The following PARPBP variants were observed in gnomAD, a reference collection of about 807,000 sequenced individuals.
PARPBP encodes the protein PCNA-interacting partner.
In PARPBP, 52 loss-of-function variants were observed where a neutral mutation model predicts 50.0. The ratio of observed to expected loss-of-function variants is 1.04; its 90% CI spans 0.83 to 1.31. PARPBP has a LOEUF of 1.31. Ranked by LOEUF, PARPBP falls within the 50% of genes most tolerant of loss-of-function variation. PARPBP has a pLI of 0.00. For synonymous variants in PARPBP, 244 were observed against 232.1 expected (o/e 1.05, Z -0.47); for missense variants, 697 against 672.0 (o/e 1.04, Z -0.41).
At chr12:102,155,603 G>GGT (rs1217979673) in intron 4 of PARPBP, among the ~76,000 whole-genome samples, 1 of 119,408 alleles carries the variant, frequency 8.4e-6, no homozygotes, top group African/African-American at 3.0e-5. Context: ...GTGGGGGGGG[G>GGT]GGGCGGGGAC....
At chr12:102,144,899 T>C (rs550944421) in intron 2 of PARPBP, among the ~76,000 whole-genome samples, 1 of 152,258 alleles carries the variant, frequency 6.6e-6, no homozygotes, top group East Asian at 1.9e-4. Flanking sequence ...ATAGATCCAA[T>C]GTTTGAGAGT....
At position 102,197,128 on chromosome 12, in the gene PARPBP, A is replaced by G; in HGVS notation, c.*837A>G. ...AAGATAAGGTTTTATAGCCAGATTC[A>G]GTGGCAGACCATGATTTAAGAAATT... On this transcript the variant is annotated 3_prime_UTR_variant, in exon 11 of 11. Coordinates refer to ENST00000327680, the MANE Select transcript of PARPBP (RefSeq NM_017915.5). 1 of 1,612,312 alleles carries G rather than the reference A, an allele frequency of 6.2e-7. No homozygotes were observed. Among genetic ancestry groups the G allele is most frequent in the Non-Finnish European group, 8.5e-7 (1 of 1,178,708 alleles).
In PARPBP at chr12:102,175,527, T is replaced by G; in HGVS notation, c.866T>G (p.Ile289Ser). The G allele has an allele frequency of 6.2e-7, 1 of 1,613,780 alleles. No individual in the cohort carries two copies. The highest frequency in any genetic ancestry group is 8.5e-7 in the Non-Finnish European group (1 of 1,179,764). ...CTGTCAGTGATAAAGATGCAACTGA[T>G]TAAAGGCCAAAACAGCAGGGATCCT... Reference protein sequence around the residue: ...QILSVIKMQLIKGQNSRDPFC... With the variant: ...QILSVIKMQLSKGQNSRDPFC... Residue 289 changes from isoleucine to serine, a missense_variant, in exon 7 of 11, where the codon ATT becomes AGT. Coordinates refer to ENST00000327680, the MANE Select transcript of PARPBP (RefSeq NM_017915.5).
chr12:102,180,022 A>G (rs527421236), intron 8 of PARPBP, among the ~76,000 whole-genome samples: 1 of 152,212 alleles, frequency 6.6e-6, no homozygotes, highest in Non-Finnish European at 1.5e-5. Context: ...TTAAACAGAA[A>G]CTTTACAGTG....
chr12:102,184,046 G>GAA (rs71438459), intron 9 of PARPBP, among the ~76,000 whole-genome samples: 10,468 of 59,694 alleles, frequency 0.18, 830 homozygotes, highest in Non-Finnish European at 0.22. Context: ...GACTCTATCT[G>GAA]AAAAAAAAAA....
At chr12:102,192,138 G>A (rs1361510524) in intron 9 of PARPBP, among the ~76,000 whole-genome samples, 1 of 152,056 alleles carries the variant, frequency 6.6e-6, no homozygotes, top group Non-Finnish European at 1.5e-5. Flanking sequence ...ATTTTTTTGA[G>A]CTGCATTCCT....
Position 102,180,704 on chromosome 12 carries a change from G to C in PARPBP, c.1185-1845G>C, listed in dbSNP as rs59427126. Among the ~76,000 whole-genome samples the C allele has an allele frequency of 3.2e-3, 493 of 152,272 alleles. 2 individuals carry two copies. The highest frequency in any genetic ancestry group is 0.011 in the African/African-American group (461 of 41,534). On this transcript the variant is annotated intron_variant, in intron 8 of 10. Transcript: ENST00000327680. ...CCACTGCACTCTCTCCTAGGTGACA[G>C]AGCAAGAAAGAAAAGGTTTTTCTAT...
At chr12:102,152,583 GT>G (rs1173137228) in intron 3 of PARPBP, among the ~76,000 whole-genome samples, 3 of 152,198 alleles carry the variant, frequency 2.0e-5, no homozygotes, top group Admixed American at 1.3e-4. Context: ...AATTCAAGTT[GT>G]TCACTGTTTT....
At position 102,178,713 on chromosome 12, in the gene PARPBP, T is replaced by A. The variant is rs1392090412; in HGVS notation, c.1127T>A (p.Leu376Ter). The A allele has an allele frequency of 6.2e-7, 1 of 1,613,514 alleles. No homozygotes were observed. Among genetic ancestry groups the A allele is most frequent in the Admixed American group, 1.7e-5 (1 of 59,946 alleles). ...NAPTKNKAELLYDEENTIHHH... is the reference protein window; with the variant it reads ...NAPTKNKAEL The stretch of plus-strand genomic sequence containing the variant: ...CCTACCAAAAACAAAGCAGAGCTTT[T>A]ATATGATGAGGAAAACACAATCCAT... Residue 376 changes from leucine to a stop codon, truncating the protein, a stop_gained, in exon 8 of 11, where the codon TTA becomes TAA. Coordinates refer to ENST00000327680, the MANE Select transcript of PARPBP (RefSeq NM_017915.5). LOFTEE classifies it high-confidence loss of function.
At chr12:102,143,252 G>T (rs777187297) in intron 2 of PARPBP, among the ~76,000 whole-genome samples, 2 of 152,226 alleles carry the variant, frequency 1.3e-5, no homozygotes, top group Non-Finnish European at 2.9e-5. Flanking sequence ...CTAGCAGTGA[G>T]TGAGGCTCTT....
chr12:102,180,621 T>C (rs1221369147), intron 8 of PARPBP, among the ~76,000 whole-genome samples: 1 of 152,180 alleles, frequency 6.6e-6, no homozygotes, highest in Non-Finnish European at 1.5e-5. Flanking sequence ...TGCATGCCTG[T>C]AGTCCCAGCT....
intron 6 of PARPBP, among the ~76,000 whole-genome samples, chr12:102,175,231 T>C (rs1303633388): frequency 6.6e-6 from 1 of 152,228 alleles, no homozygotes; most frequent in Non-Finnish European, 1.5e-5. Context: ...ATTTCACATA[T>C]AACTAAATTA....
intron 9 of PARPBP, among the ~76,000 whole-genome samples, chr12:102,192,814 C>T (rs984116145): frequency 4.0e-5 from 6 of 151,592 alleles, no homozygotes; most frequent in African/African-American, 1.5e-4. Context: ...ATACGCTGTG[C>T]TTGTCACATA....
intron 7 of PARPBP, among the ~76,000 whole-genome samples, chr12:102,177,699 T>C (rs997050844): frequency 2.0e-5 from 3 of 152,198 alleles, no homozygotes; most frequent in East Asian, 1.9e-4. Context: ...ATTGCCATCA[T>C]TGGTTCTTTA....
intron 2 of PARPBP, among the ~76,000 whole-genome samples, chr12:102,131,111 G>A (rs1882789032): frequency 6.6e-6 from 1 of 152,082 alleles, no homozygotes; most frequent in Non-Finnish European, 1.5e-5. Context: ...GATCACTTGA[G>A]GTCAGGATTT....
intron 6 of PARPBP, among the ~76,000 whole-genome samples, chr12:102,175,141 T>A (rs1289297585): frequency 1.3e-5 from 2 of 152,198 alleles, no homozygotes; most frequent in Non-Finnish European, 2.9e-5. Flanking sequence ...GAGAGATAAC[T>A]GTTCTTGTTA....
intron 4 of PARPBP, among the ~76,000 whole-genome samples, chr12:102,158,076 G>T (rs11111184): frequency 0.15 from 21,579 of 145,626 alleles, 1,689 homozygotes; most frequent in Non-Finnish European, 0.18. Context: ...AGCCGAGATG[G>T]TGCCACTGCA....
At chr12:102,120,906 A>C (rs1304241375) in intron 1 of PARPBP, among the ~76,000 whole-genome samples, 2 of 152,180 alleles carry the variant, frequency 1.3e-5, no homozygotes, top group Non-Finnish European at 2.9e-5. Flanking sequence ...TAGTTCTTTC[A>C]ACCATTTCAC....
chr12:102,154,102 A>C, intron 4 of PARPBP, 126 bp downstream of exon 4: 1 of 583,996 alleles, frequency 1.7e-6, no homozygotes. Flanking sequence ...TATGTTTAAA[A>C]CTGTATTCGC....
Sources: allele counts gnomAD v4.1 joint callset (sites outside exome capture counted in the v4.1 genomes callset), GRCh38; gene constraint gnomAD v4.1.1; transcripts MANE v1.5; gene names NCBI Gene and HGNC (gene_info 2026-07-23, HGNC 2026-07-21).